Variants in SLC35F3 observed in about 807,000 individuals in gnomAD.
SLC35F3 encodes solute carrier family 35 member F3.
Under a neutral mutation model 49.9 loss-of-function variants are expected in SLC35F3, and 25 were observed. The observed-to-expected ratio is 0.50, with a 90% confidence interval of 0.37 to 0.70. The LOEUF is 0.70. Among genes scored for constraint, SLC35F3 ranks in the 30% least tolerant of loss-of-function variants. The pLI is 0.00. For missense variants in SLC35F3, 525 were observed against 639.8 expected (o/e 0.82, Z 1.94); for synonymous variants, 275 against 265.4 (o/e 1.04, Z -0.35).
At position 233,939,176 on chromosome 1, in the gene SLC35F3, G is replaced by A. The variant is rs555412276; in HGVS notation, c.283+33418G>A. Among the ~76,000 whole-genome samples, 6 of 152,302 alleles carry A rather than the reference G, an allele frequency of 3.9e-5. No individual in the cohort carries two copies. The South Asian group carries it at 1.0e-3, about 26-fold the overall frequency. On this transcript the variant is annotated intron_variant, in intron 2 of 7. Coordinates refer to ENST00000366618, the MANE Select transcript of SLC35F3 (RefSeq NM_173508.4). The stretch of plus-strand genomic sequence containing the variant: ...GGTATAGTTAAGTATTGTTGGCCAG[G>A]TGCAGTGGCTTACTCCTGTAATCCC...
chr1:234,310,808 A>G (rs1374396067), intron 4 of SLC35F3, among the ~76,000 whole-genome samples: 1 of 152,088 alleles, frequency 6.6e-6, no homozygotes, highest in Non-Finnish European at 1.5e-5. Flanking sequence ...ATTTTTTTTG[A>G]GGTTAAGAGA....
At chr1:234,062,637 A>T (rs1298850118) in intron 2 of SLC35F3, among the ~76,000 whole-genome samples, 1 of 152,064 alleles carries the variant, frequency 6.6e-6, no homozygotes, top group Non-Finnish European at 1.5e-5. Context: ...GGAAATAATT[A>T]AGAGATTTCT....
chr1:234,322,223 T>C (rs1458567898), intron 7 of SLC35F3, among the ~76,000 whole-genome samples: 1 of 150,644 alleles, frequency 6.6e-6, no homozygotes, highest in Non-Finnish European at 1.5e-5. Flanking sequence ...AGTTGACCCT[T>C]GAACAATGTA....
chr1:234,316,521 A>T, intron 4 of SLC35F3, 81 bp from the exon 5 acceptor site: 3 of 1,521,856 alleles, frequency 2.0e-6, no homozygotes, highest in Non-Finnish European at 2.7e-6. Context: ...CCCCACGCAC[A>T]TTTCCAGCTC....
At chr1:234,089,177 G>C (rs112801251) in intron 2 of SLC35F3, among the ~76,000 whole-genome samples, 2,641 of 151,874 alleles carry the variant, frequency 0.017, 81 homozygotes, top group African/African-American at 0.06. Flanking sequence ...CTTTTCCACC[G>C]AGCATAGTCC....
intron 2 of SLC35F3, among the ~76,000 whole-genome samples, chr1:233,929,473 C>T (rs115079487): frequency 1.6e-4 from 25 of 152,290 alleles, no homozygotes; most frequent in African/African-American, 5.5e-4. Context: ...TACTTTACCC[C>T]GATCCTAAAT....
At chr1:234,140,002 A>AATAAAAT in intron 2 of SLC35F3, among the ~76,000 whole-genome samples, 3 of 105,478 alleles carry the variant, frequency 2.8e-5, no homozygotes, top group Middle Eastern at 5.5e-3. Flanking sequence ...AATAAAATAA[A>AATAAAAT]GTAAGTGACT....
At chr1:233,939,838 C>T (rs1174757297) in intron 2 of SLC35F3, among the ~76,000 whole-genome samples, 1 of 152,180 alleles carries the variant, frequency 6.6e-6, no homozygotes, top group African/African-American at 2.4e-5. Context: ...CACACAACTT[C>T]AAAGAGGATG....
intron 2 of SLC35F3, among the ~76,000 whole-genome samples, chr1:234,007,202 A>G (rs570346706): frequency 6.6e-6 from 1 of 152,326 alleles, no homozygotes; most frequent in Admixed American, 6.5e-5. Context: ...AATTATTAAT[A>G]TATAATAGCT....
intron 3 of SLC35F3, among the ~76,000 whole-genome samples, chr1:234,246,363 T>A (rs1444152497): frequency 6.6e-6 from 1 of 152,112 alleles, no homozygotes; most frequent in Non-Finnish European, 1.5e-5. Flanking sequence ...CCTACCCAGG[T>A]TCCCCCAGAC....
intron 2 of SLC35F3, among the ~76,000 whole-genome samples, chr1:233,939,904 G>A (rs370624710): frequency 1.3e-3 from 193 of 152,276 alleles, no homozygotes; most frequent in Non-Finnish European, 2.5e-3. Context: ...GTCACAGTAG[G>A]TCCTTTATTC....
intron 2 of SLC35F3, among the ~76,000 whole-genome samples, chr1:234,085,505 G>T (rs1365386036): frequency 6.6e-6 from 1 of 152,148 alleles, no homozygotes; most frequent in Non-Finnish European, 1.5e-5. Context: ...AATGGATTGG[G>T]ATGTTATTAT....
chr1:233,978,427 G>T (rs1663126606), intron 2 of SLC35F3, among the ~76,000 whole-genome samples: 1 of 152,202 alleles, frequency 6.6e-6, no homozygotes, highest in African/African-American at 2.4e-5. Context: ...GCACAGACTT[G>T]TGTGTAGAAT....
At chr1:233,925,584 C>G (rs1662143906) in intron 2 of SLC35F3, among the ~76,000 whole-genome samples, 1 of 152,112 alleles carries the variant, frequency 6.6e-6, no homozygotes, top group South Asian at 2.1e-4. Context: ...GACTCTTTAT[C>G]CAATTTGCCA....
In SLC35F3 at chr1:234,214,525, C is replaced by A; in HGVS notation, c.284-16892C>A. On this transcript the variant is annotated intron_variant, in intron 2 of 7. Transcript: ENST00000366618. This position sits in a 1 kb window ranked among gnomAD's most constrained non-coding sequence, Gnocchi z 8.0. Reference sequence around the variant, plus strand: ...TGAAGAAGCACTCGGCCCGGGTGGCCCCGCTCAGCGCCTGCAACAGTCCGG... The same window carrying A: ...TGAAGAAGCACTCGGCCCGGGTGGCACCGCTCAGCGCCTGCAACAGTCCGG... 1 of 1,555,058 alleles carries A rather than the reference C, an allele frequency of 6.4e-7. No homozygotes were observed.
At chr1:234,096,292 C>T (rs1415482479) in intron 2 of SLC35F3, among the ~76,000 whole-genome samples, 1 of 152,110 alleles carries the variant, frequency 6.6e-6, no homozygotes, top group African/African-American at 2.4e-5. Context: ...CTCGGCTCTC[C>T]CAGCCTCCCT....
At chr1:234,281,976 A>C (rs1458326137) in intron 3 of SLC35F3, among the ~76,000 whole-genome samples, 1 of 151,932 alleles carries the variant, frequency 6.6e-6, no homozygotes, top group African/African-American at 2.4e-5. Flanking sequence ...GGCTCGGCTT[A>C]AGCGCTGTTT....
At chr1:234,223,394 CA>C (rs1331304228) in intron 2 of SLC35F3, among the ~76,000 whole-genome samples, 1 of 152,162 alleles carries the variant, frequency 6.6e-6, no homozygotes, top group Admixed American at 6.5e-5. Flanking sequence ...ATTCCAGCCC[CA>C]AAAGGCAACT....
intron 2 of SLC35F3, among the ~76,000 whole-genome samples, chr1:234,089,250 A>G (rs1348793487): frequency 1.3e-5 from 2 of 152,236 alleles, no homozygotes; most frequent in East Asian, 3.8e-4. Flanking sequence ...GACAGACCAT[A>G]AAGTCCTCTC....
Sources: allele counts gnomAD v4.1 joint callset (sites outside exome capture counted in the v4.1 genomes callset), GRCh38; gene constraint gnomAD v4.1.1; non-coding constraint Gnocchi (gnomAD v3.1); transcripts MANE v1.5; gene names NCBI Gene and HGNC (gene_info 2026-07-23, HGNC 2026-07-21).